The following LY96 variants were observed in gnomAD, a reference collection of about 807,000 sequenced individuals.
LY96 encodes the protein lymphocyte antigen 96, also known as myeloid differentiation protein-2.
A neutral mutation model predicts 18.9 loss-of-function variants in LY96; 18 were observed. That is an observed-to-expected ratio of 0.95 (90% CI 0.66 to 1.41). LY96 has a LOEUF of 1.41. Among genes scored for constraint, LY96 ranks in the 40% most tolerant of loss-of-function variants. LY96 has a pLI of 0.00. For missense variants in LY96, 175 were observed against 182.4 expected, an observed-to-expected ratio of 0.96 and a Z score of 0.23; for synonymous variants, 66 against 62.6, an observed-to-expected ratio of 1.06 and a Z score of -0.26.
chr8:74,011,185 A>C (rs1816523842), intron 3 of LY96, among the ~76,000 whole-genome samples: 1 of 152,224 alleles, frequency 6.6e-6, no homozygotes, highest in Non-Finnish European at 1.5e-5. Context: ...TGCCATATGC[A>C]GAAGAATAAA....
chr8:74,048,389 G>A, the LY96 span, among the ~76,000 whole-genome samples: 1 of 152,168 alleles, frequency 6.6e-6, no homozygotes, highest in South Asian at 2.1e-4. Flanking sequence ...AGCCTTCTGA[G>A]TAGCTGGGAT....
At chr8:74,080,956 G>A in the LY96 span, among the ~76,000 whole-genome samples, 1 of 151,994 alleles carries the variant, frequency 6.6e-6, no homozygotes, top group Non-Finnish European at 1.5e-5. Flanking sequence ...CTTTTGGACT[G>A]TCTTGTGCCT....
chr8:74,003,699 A>G (rs4738413), intron 1 of LY96, among the ~76,000 whole-genome samples: 46,899 of 152,004 alleles, frequency 0.31, 7,366 homozygotes, highest in Admixed American at 0.36. Flanking sequence ...GGAGTGCTGG[A>G]AGAGTCTCCA....
At chr8:74,059,184 C>T in the LY96 span, among the ~76,000 whole-genome samples, 2 of 152,214 alleles carry the variant, frequency 1.3e-5, no homozygotes, top group East Asian at 3.9e-4. Context: ...CATACTGTGG[C>T]CCAGGCAAAT....
At chr8:74,081,138 CTTCCTTCT>C in the LY96 span, among the ~76,000 whole-genome samples, 16 of 112,528 alleles carry the variant, frequency 1.4e-4, no homozygotes, top group African/African-American at 4.1e-4. Flanking sequence ...TCCTTCCTTC[CTTCCTTCT>C]TTCTTTCTTT....
the LY96 span, chr8:74,079,733 T>C: frequency 1.3e-5 from 2 of 152,290 alleles, no homozygotes; most frequent in Admixed American, 6.5e-5. Context: ...GGTGTCGCTA[T>C]GTCACCCAGA....
At chr8:74,009,153 T>C (rs1563714005) in intron 2 of LY96, among the ~76,000 whole-genome samples, 1 of 151,012 alleles carries the variant, frequency 6.6e-6, no homozygotes, top group Non-Finnish European at 1.5e-5. Flanking sequence ...TCCCAGTACT[T>C]TGGGAGGCTG....
At chr8:73,997,008 G>C (rs1015858828) in intron 1 of LY96, among the ~76,000 whole-genome samples, 1 of 152,120 alleles carries the variant, frequency 6.6e-6, no homozygotes, top group Non-Finnish European at 1.5e-5. Context: ...GCCTCCCAAA[G>C]TGCTGGGATT....
chr8:74,085,582 C>T, the LY96 span, among the ~76,000 whole-genome samples: 3 of 152,230 alleles, frequency 2.0e-5, no homozygotes, highest in South Asian at 6.2e-4. Context: ...CAGCCAGCTC[C>T]TTTCTGCTTT....
chr8:74,091,851 TC>T, the LY96 span, among the ~76,000 whole-genome samples: 1 of 152,132 alleles, frequency 6.6e-6, no homozygotes, highest in African/African-American at 2.4e-5. Context: ...TTGCCCTTCC[TC>T]CCTCAAGCCT....
At chr8:74,068,720 A>G in the LY96 span, among the ~76,000 whole-genome samples, 4 of 152,176 alleles carry the variant, frequency 2.6e-5, no homozygotes, top group Non-Finnish European at 5.9e-5. Context: ...TTGGTCATTC[A>G]TATGCAATAT....
chr8:74,091,872 T>G, the LY96 span, among the ~76,000 whole-genome samples: 2 of 152,278 alleles, frequency 1.3e-5, no homozygotes, highest in South Asian at 4.1e-4. Flanking sequence ...TTCCTTGAAG[T>G]CCTTCCATCC....
the LY96 span, among the ~76,000 whole-genome samples, chr8:74,088,148 T>TAGAATAGAATAGAATAGAAA: frequency 3.5e-5 from 5 of 144,614 alleles, no homozygotes; most frequent in African/African-American, 7.7e-5. Context: ...TAGAATAGAA[T>TAGAATAGAATAGAATAGAAA]AGAAAAGAAT....
intron 3 of LY96, among the ~76,000 whole-genome samples, chr8:74,023,929 G>C (rs960110960): frequency 4.6e-5 from 7 of 152,152 alleles, no homozygotes; most frequent in Non-Finnish European, 1.0e-4. Flanking sequence ...TCTAGAGAGA[G>C]AAACACACAG....
rs111643597 is a variant in LY96, at chr8:74,011,110, C to A, written c.331+981C>A. Among the ~76,000 whole-genome samples, 331 of 152,238 alleles carry A rather than the reference C, an allele frequency of 2.2e-3. 1 individual carries two copies. The highest frequency in any genetic ancestry group is 6.7e-3 in the African/African-American group (279 of 41,538). ...ATTTGAGCAAATCGTGATTTACGTT[C>A]TGGTTATCTGAAGTTGAATGGTAGG... is the stretch of plus-strand genomic sequence containing the variant. On this transcript the variant is annotated intron_variant, in intron 3 of 4. Transcript: ENST00000284818.
chr8:74,038,682 G>A, the LY96 span, among the ~76,000 whole-genome samples: 1 of 152,186 alleles, frequency 6.6e-6, no homozygotes, highest in Non-Finnish European at 1.5e-5. Context: ...ATGAGCCAGT[G>A]CACCCAGACT....
chr8:73,996,361 C>CT lies in LY96; in HGVS notation c.112+4809dup, dbSNP rs1563707696. The stretch of plus-strand genomic sequence containing the variant: ...CCTTCCTTCCTTCCTTCCTTCCTTC[C>CT]TTCCTTCATTCCTTTCTTTCTTTCT... On this transcript the variant is annotated intron_variant, in intron 1 of 4. Coordinates refer to ENST00000284818, the MANE Select transcript of LY96 (RefSeq NM_015364.5). Among the ~76,000 whole-genome samples the CT allele has an allele frequency of 1.4e-3, 126 of 87,906 alleles. 1 individual carries two copies. Among genetic ancestry groups the CT allele is most frequent in the Non-Finnish European group, 2.6e-3 (102 of 39,152 alleles). The allele number at this position is 87,906 out of a possible 152,430, so 57.7% of individuals were successfully genotyped here.
intron 3 of LY96, among the ~76,000 whole-genome samples, chr8:74,016,446 C>T (rs946867474): frequency 2.0e-5 from 3 of 152,194 alleles, no homozygotes; most frequent in Non-Finnish European, 4.4e-5. Flanking sequence ...TATAGCTGAA[C>T]AAAAGGCAGC....
downstream of LY96, chr8:74,029,139 G>C: frequency 1.3e-6 from 1 of 757,264 alleles, no homozygotes; most frequent in Non-Finnish European, 2.2e-6. Context: ...AGATATGGTA[G>C]GATAGGAAGA....
Sources: gnomAD v4.1 joint callset for allele counts (sites outside exome capture counted in the v4.1 genomes callset) on GRCh38, gnomAD v4.1.1 for gene constraint, MANE v1.5 for transcripts, NCBI Gene and HGNC (gene_info 2026-07-23, HGNC 2026-07-21) for gene names.